The following ZNF606 variants were observed in gnomAD, a reference collection of about 807,000 sequenced individuals.
ZNF606 encodes the protein zinc finger protein 606, also known as zinc finger protein 328.
Under a neutral mutation model 74.9 loss-of-function variants are expected in ZNF606, and 37 were observed. The ratio of observed to expected loss-of-function variants is 0.49; its 90% CI spans 0.38 to 0.65. ZNF606 has a LOEUF of 0.65. ZNF606 is among the 30% of genes least tolerant of loss of function. The probability of loss-of-function intolerance (pLI) is 0.00; values close to 1 mark genes in which losing one functional copy is unlikely to be tolerated. For synonymous variants in ZNF606, 328 were observed against 312.4 expected, an observed-to-expected ratio of 1.05 and a Z score of -0.53; for missense variants, 852 against 952.9, an observed-to-expected ratio of 0.89 and a Z score of 1.39.
chr19:57,994,059 A>G (rs939836319), intron 4 of ZNF606, among the ~76,000 whole-genome samples: 1 of 152,250 alleles, frequency 6.6e-6, no homozygotes, highest in Non-Finnish European at 1.5e-5. Context: ...CAACAGCCAC[A>G]TTCAACTTTC....
At chr19:57,985,556 G>C (rs1235604398) in intron 6 of ZNF606, among the ~76,000 whole-genome samples, 2 of 152,124 alleles carry the variant, frequency 1.3e-5, no homozygotes, top group Non-Finnish European at 2.9e-5. Context: ...CAAAAAGATA[G>C]AATGAAAGAG....
chr19:57,988,134 A>G (rs2073192977), intron 6 of ZNF606, 73 bp downstream of exon 6: 2 of 1,240,082 alleles, frequency 1.6e-6, no homozygotes, highest in East Asian at 4.8e-5. Context: ...GTAACTCTTC[A>G]TGGCCTTATC....
At chr19:57,985,841 G>C (rs979864655) in intron 6 of ZNF606, among the ~76,000 whole-genome samples, 2 of 152,010 alleles carry the variant, frequency 1.3e-5, no homozygotes, top group Admixed American at 6.6e-5. Context: ...GGCTGAGGCA[G>C]GACAATCGCT....
Position 57,979,735 on chromosome 19 carries a change from T to C in ZNF606, c.945A>G (p.Lys315=). The C allele has an allele frequency of 2.5e-6, 4 of 1,613,384 alleles. No individual in the cohort carries two copies. The highest frequency in any genetic ancestry group is 3.4e-6 in the Non-Finnish European group (4 of 1,179,900). Residue 315 remains lysine (K), a synonymous_variant, in exon 7 of 7, where the codon AAA becomes AAG. Coordinates refer to ENST00000551380, the MANE Select transcript of ZNF606 (RefSeq NM_001348022.3). ...GDHKGIHTGE[K]LYEYKECHQI... ...GATGGCATTCCTTATATTCATAGAG[T>C]TTTTCTCCTGTGTGAATTCCTTTAT...
At chr19:57,988,527 T>C (rs942045553) in intron 5 of ZNF606, 68 bp downstream of exon 5, 1 of 1,562,798 alleles carries the variant, frequency 6.4e-7, no homozygotes, top group Non-Finnish European at 8.7e-7. Flanking sequence ...AATGAGCTTC[T>C]AAACATGGAG....
In ZNF606 at chr19:57,979,153, C is replaced by G. The variant is rs137930511; in HGVS notation, c.1527G>C (p.Glu509Asp). 587 of 1,614,024 alleles carry G rather than the reference C, an allele frequency of 3.6e-4. No individual in the cohort carries two copies. Among genetic ancestry groups the G allele is most frequent in the African/African-American group, 1.7e-3 (126 of 75,022 alleles). The part of the protein sequence containing the change: ...LIGHQRTHTG[E>D]KPFECTECGK... ...CACATTCAGTACATTCAAAAGGTTT[C>G]TCTCCTGTATGAGTCCTCTGATGTC... Residue 509 changes from glutamate (E) to aspartate (D), a missense_variant, in exon 7 of 7, where the codon GAG becomes GAC. By Grantham distance (45) the Glu-to-Asp change is conservative. Around this residue, in one of 3 missense-constraint regions of ZNF606, gnomAD observed 243 missense variants for 359.2 expected, o/e 0.68. Coordinates refer to ENST00000551380, the MANE Select transcript of ZNF606 (RefSeq NM_001348022.3).
chr19:58,000,228 CTTT>C (rs138401809), intron 3 of ZNF606: 2 of 347,142 alleles, frequency 5.8e-6, no homozygotes, highest in Non-Finnish European at 1.0e-5. Context: ...CACTGGTTTT[CTTT>C]TTTTTTTTGA....
intron 4 of ZNF606, chr19:57,997,416 T>C (rs2073355339): frequency 6.6e-6 from 1 of 152,220 alleles, no homozygotes; most frequent in African/African-American, 2.4e-5. Context: ...AGATAAATGC[T>C]TTATTTCAAT....
In ZNF606 at chr19:57,977,287, G is replaced by A. The variant is rs1173790676; in HGVS notation, c.*1014C>T. On this transcript the variant is annotated 3_prime_UTR_variant, in exon 7 of 7. Coordinates refer to ENST00000551380, the MANE Select transcript of ZNF606 (RefSeq NM_001348022.3). ...CTTCAGCTTAGCCATTTGTAAAACT[G>A]GGGTAACAGTACCTATCTCAGAGTA... 1 of 152,080 alleles carries A rather than the reference G, an allele frequency of 6.6e-6. No homozygotes were observed. The highest frequency in any genetic ancestry group is 2.4e-5 in the African/African-American group (1 of 41,396). 9.4% of individuals were successfully genotyped at this position (152,080 alleles called of 1,614,324 possible).
At chr19:57,982,821 A>AT (rs1289847364) in intron 6 of ZNF606, among the ~76,000 whole-genome samples, 4 of 151,904 alleles carry the variant, frequency 2.6e-5, no homozygotes, top group African/African-American at 7.3e-5. Flanking sequence ...ATGTTTTTAA[A>AT]TTTTTTATAG....
Position 57,978,461 on chromosome 19 carries a change from T to C in ZNF606, c.2219A>G (p.His740Arg). The C allele has an allele frequency of 3.1e-6, 5 of 1,613,952 alleles. No homozygotes were observed. Among genetic ancestry groups the C allele is most frequent in the Non-Finnish European group, 3.4e-6 (4 of 1,179,848 alleles). ...HTGEKPYKCNHCEKAFCKNSS... is the reference protein window; with the variant it reads ...HTGEKPYKCNRCEKAFCKNSS... ...ATTCTTACAAAATGCTTTTTCACAATGATTACATTTGTAGGGCTTTTCTCC... is the reference window on the plus strand; with the variant it reads ...ATTCTTACAAAATGCTTTTTCACAACGATTACATTTGTAGGGCTTTTCTCC... The change falls in exon 7 of 7, where the codon CAT (histidine) becomes CGT (arginine). Residue 740 changes from histidine (H) to arginine (R), a missense_variant. Coordinates refer to ENST00000551380, the MANE Select transcript of ZNF606 (RefSeq NM_001348022.3). The surrounding 1 kb of genome is among the most constrained non-coding windows in gnomAD (Gnocchi z 4.4).
chr19:57,991,028 G>A (rs1300889278), intron 4 of ZNF606, among the ~76,000 whole-genome samples: 2 of 152,010 alleles, frequency 1.3e-5, no homozygotes, highest in African/African-American at 4.8e-5. Context: ...ATGTAGAGAC[G>A]CCTCCTGCAC....
intron 4 of ZNF606, among the ~76,000 whole-genome samples, chr19:57,995,996 T>C (rs1345930244): frequency 6.6e-6 from 1 of 152,218 alleles, no homozygotes; most frequent in Non-Finnish European, 1.5e-5. Flanking sequence ...TCACTGATGG[T>C]GATGCCATTT....
Position 57,978,255 on chromosome 19 carries a change from C to G in ZNF606, c.*46G>C, listed in dbSNP as rs747628961. The stretch of plus-strand genomic sequence containing the variant: ...TCTTGATTATGTTTATAGGGTTTTC[C>G]TCAATGTGTTGTCAAATGTACAAGA... On this transcript the variant is annotated 3_prime_UTR_variant, in exon 7 of 7. Transcript: ENST00000551380. The surrounding 1 kb of genome is among the most constrained non-coding windows in gnomAD (Gnocchi z 4.4). 1 of 1,506,344 alleles carries G rather than the reference C, an allele frequency of 6.6e-7. No individual in the cohort carries two copies. Among genetic ancestry groups the G allele is most frequent in the Non-Finnish European group, 8.9e-7 (1 of 1,127,084 alleles). The allele number at this position is 1,506,344 out of a possible 1,614,324, so 93.3% of individuals were successfully genotyped here.
Position 57,979,399 on chromosome 19 carries a change from G to A in ZNF606, c.1281C>T (p.Pro427=), listed in dbSNP as rs149500485. ...CTTTTCCACATTTATCACATTCATA[G>A]GGTTTTTCTCCAGTATGAGTTTTCT... ...QHKKTHTGEK[P]YECDKCGKVF... The change falls in exon 7 of 7, where the codon CCC becomes CCT. Residue 427 remains proline (P), a synonymous_variant. Coordinates refer to ENST00000551380, the MANE Select transcript of ZNF606 (RefSeq NM_001348022.3). 2.3e-4 allele frequency: 375 copies of A among 1,613,672 alleles called. 1 individual carries two copies. In the African/African-American group the frequency reaches 4.4e-3, roughly 19 times the overall value.
chr19:57,978,901 C>T lies in ZNF606; in HGVS notation c.1779G>A (p.Glu593=). The change falls in exon 7 of 7, where the codon GAG becomes GAA. Residue 593 remains glutamate, a synonymous_variant. Transcript: ENST00000551380. This position sits in a 1 kb window ranked among gnomAD's most constrained non-coding sequence, Gnocchi z 4.4. ...CACATTCCTGACAGTTATATGGTTT[C>T]TCTCCCGTGTGAGTTCTCTGATGGG... ...LIAHQRTHTG[E]KPYNCQECGK... is the part of the protein sequence containing the mutation. 6.2e-7 allele frequency: 1 copy of T among 1,614,028 alleles called. No individual in the cohort carries two copies. The highest frequency in any genetic ancestry group is 8.5e-7 in the Non-Finnish European group (1 of 1,180,016).
At chr19:57,994,667 T>C (rs562189120) in intron 4 of ZNF606, among the ~76,000 whole-genome samples, 1 of 152,104 alleles carries the variant, frequency 6.6e-6, no homozygotes, top group African/African-American at 2.4e-5. Context: ...AGATGGCCAA[T>C]AAAGACATCA....
Position 57,978,111 on chromosome 19 carries a change from T to C in ZNF606, c.*190A>G. The C allele has an allele frequency of 1.8e-6, 1 of 540,942 alleles. No homozygotes were observed. The highest frequency in any genetic ancestry group is 3.0e-6 in the Non-Finnish European group (1 of 329,206). The allele number at this position is 540,942 out of a possible 1,614,324, so 33.5% of individuals were successfully genotyped here. The stretch of plus-strand genomic sequence containing the variant: ...TAATTATCTGATTTTGAGTAAGGGC[T>C]AAATAACTGCTGAAAGCTTTTCCCT... On this transcript the variant is annotated 3_prime_UTR_variant, in exon 7 of 7. Transcript: ENST00000551380. The surrounding 1 kb of genome is among the most constrained non-coding windows in gnomAD (Gnocchi z 4.4).
In ZNF606 at chr19:57,978,488, G is replaced by A. The variant is rs2073023776; in HGVS notation, c.2192C>T (p.Thr731Ile). The A allele has an allele frequency of 6.2e-7, 1 of 1,613,800 alleles. No individual in the cohort carries two copies. Among genetic ancestry groups the A allele is most frequent in the African/African-American group, 1.3e-5 (1 of 75,036 alleles). ...SSLIVHLRNHTGEKPYKCNHC... is the reference protein window; with the variant it reads ...SSLIVHLRNHIGEKPYKCNHC... The stretch of plus-strand genomic sequence containing the variant: ...ATTACATTTGTAGGGCTTTTCTCCA[G>A]TATGGTTTCTTAGGTGTACAATAAG... The change falls in exon 7 of 7, where the codon ACT becomes ATT. Residue 731 changes from threonine to isoleucine, a missense_variant. Around this residue, in one of 3 missense-constraint regions of ZNF606, gnomAD observed 243 missense variants for 359.2 expected, o/e 0.68. Transcript: ENST00000551380. The surrounding 1 kb of genome is among the most constrained non-coding windows in gnomAD (Gnocchi z 4.4).
Sources: allele counts gnomAD v4.1 joint callset (sites outside exome capture counted in the v4.1 genomes callset), GRCh38; gene constraint gnomAD v4.1.1; regional missense constraint gnomAD v4.1.1; non-coding constraint Gnocchi (gnomAD v3.1); transcripts MANE v1.5; gene names NCBI Gene and HGNC (gene_info 2026-07-23, HGNC 2026-07-21).